Variants in PIK3C2G observed in about 807,000 individuals in gnomAD.
PIK3C2G encodes phosphatidylinositol-4-phosphate 3-kinase catalytic subunit type 2 gamma.
PIK3C2G carries 168 observed loss-of-function variants against 181.1 expected under a neutral mutation model. The ratio of observed to expected loss-of-function variants is 0.93; its 90% CI spans 0.82 to 1.05. The LOEUF is 1.05. PIK3C2G is among the 50% of genes least tolerant of loss of function. The pLI is 0.00. For synonymous variants in PIK3C2G, 573 were observed against 592.2 expected (o/e 0.97, Z 0.47); for missense variants, 1,869 against 1,732.8 (o/e 1.08, Z -1.40).
At chr12:18,557,318 CACAA>C (rs1182315394) in intron 26 of PIK3C2G, among the ~76,000 whole-genome samples, 1 of 151,862 alleles carries the variant, frequency 6.6e-6, no homozygotes, top group Admixed American at 6.6e-5. Flanking sequence ...CACACACACA[CACAA>C]ACAAATCAAA....
In PIK3C2G at chr12:18,287,848, G is replaced by A. The variant is rs186822030; in HGVS notation, c.761+919G>A. Among the ~76,000 whole-genome samples the A allele has an allele frequency of 1.3e-3, 193 of 149,036 alleles. 1 individual carries two copies. The highest frequency in any genetic ancestry group is 3.4e-3 in the Middle Eastern group (1 of 290). ...TGCACTCCAGCCTGGGCGACAGAAT[G>A]AGACTCTGTCTCAAAAAAGAAAAAA... On this transcript the variant is annotated intron_variant, in intron 3 of 32. Transcript: ENST00000538779.
At chr12:18,376,968 T>C (rs1182567516) in intron 13 of PIK3C2G, among the ~76,000 whole-genome samples, 4 of 152,232 alleles carry the variant, frequency 2.6e-5, no homozygotes, top group Non-Finnish European at 5.9e-5. Context: ...CTTTTCTTAA[T>C]AAATTATTCA....
At chr12:18,449,027 T>G (rs1057209207) in intron 18 of PIK3C2G, among the ~76,000 whole-genome samples, 1 of 152,060 alleles carries the variant, frequency 6.6e-6, no homozygotes, top group Non-Finnish European at 1.5e-5. Flanking sequence ...CTGGATCATA[T>G]GGTAGTTCTA....
chr12:18,655,835 CA>C, the PIK3C2G span, among the ~76,000 whole-genome samples: 2 of 150,600 alleles, frequency 1.3e-5, no homozygotes, highest in African/African-American at 4.9e-5. Flanking sequence ...AAACTGTCAA[CA>C]TCATAAAAAG....
At chr12:18,723,930 T>G in the PIK3C2G span, among the ~76,000 whole-genome samples, 6 of 152,108 alleles carry the variant, frequency 3.9e-5, no homozygotes, top group Admixed American at 2.0e-4. Flanking sequence ...TCAGACACAT[T>G]CAAGATCAAT....
the PIK3C2G span, among the ~76,000 whole-genome samples, chr12:18,677,729 G>C: frequency 3.3e-5 from 5 of 152,072 alleles, no homozygotes; most frequent in Non-Finnish European, 7.4e-5. Context: ...CCAGTGTTCA[G>C]ATAAGGTTAA....
At chr12:18,561,936 A>T (rs1945365600) in intron 26 of PIK3C2G, among the ~76,000 whole-genome samples, 1 of 152,142 alleles carries the variant, frequency 6.6e-6, no homozygotes. Flanking sequence ...ATTAAAAATT[A>T]AACAATGAAA....
chr12:18,574,548 C>T (rs1394861200), intron 29 of PIK3C2G, among the ~76,000 whole-genome samples: 2 of 152,288 alleles, frequency 1.3e-5, no homozygotes, highest in East Asian at 3.9e-4. Flanking sequence ...CCCCATACCA[C>T]TGCCCCAATT....
intron 16 of PIK3C2G, among the ~76,000 whole-genome samples, chr12:18,410,510 GA>G (rs1184793762): frequency 0.026 from 2,230 of 85,428 alleles, 34 homozygotes; most frequent in Middle Eastern, 0.062. Context: ...ATCTCAGAAA[GA>G]AAAAAAAAAA....
intron 26 of PIK3C2G, among the ~76,000 whole-genome samples, chr12:18,551,330 T>G (rs1223351348): frequency 6.6e-6 from 1 of 151,984 alleles, no homozygotes; most frequent in African/African-American, 2.4e-5. Flanking sequence ...AAAGGGTTAT[T>G]TCAGAAATTT....
chr12:18,303,296 T>A (rs1254444272), intron 5 of PIK3C2G, among the ~76,000 whole-genome samples: 3 of 150,522 alleles, frequency 2.0e-5, no homozygotes, highest in African/African-American at 7.4e-5. Flanking sequence ...TCTTTCTTTC[T>A]TTCTCTTTCC....
intron 11 of PIK3C2G, among the ~76,000 whole-genome samples, chr12:18,352,596 T>C (rs1940322707): frequency 6.6e-6 from 1 of 152,192 alleles, no homozygotes; most frequent in African/African-American, 2.4e-5. Flanking sequence ...GTTTAACAGC[T>C]CAGTGTGACA....
At chr12:18,691,146 A>C in the PIK3C2G span, among the ~76,000 whole-genome samples, 3 of 152,096 alleles carry the variant, frequency 2.0e-5, no homozygotes, top group East Asian at 5.8e-4. Context: ...TAGGAATAGA[A>C]TCAGCAGAAT....
At chr12:18,469,994 T>C (rs1333068286) in intron 18 of PIK3C2G, among the ~76,000 whole-genome samples, 1 of 151,840 alleles carries the variant, frequency 6.6e-6, no homozygotes, top group Non-Finnish European at 1.5e-5. Context: ...TAGAGTCATA[T>C]CTAAAGTTTA....
chr12:18,273,305 G>C (rs972030469), intron 1 of PIK3C2G, among the ~76,000 whole-genome samples: 3 of 152,054 alleles, frequency 2.0e-5, no homozygotes, highest in African/African-American at 7.2e-5. Flanking sequence ...TTATTTCTGA[G>C]GGCTCTGTTC....
chr12:18,344,594 A>T (rs1331846983), intron 10 of PIK3C2G, among the ~76,000 whole-genome samples: 1 of 152,086 alleles, frequency 6.6e-6, no homozygotes, highest in Non-Finnish European at 1.5e-5. Context: ...GGAATGTTGT[A>T]ATGAGGTCTC....
downstream of PIK3C2G, among the ~76,000 whole-genome samples, chr12:18,650,718 A>C (rs796543551): frequency 0.015 from 108 of 7,080 alleles, no homozygotes; most frequent in East Asian, 0.07. Context: ...ATATCTATAT[A>C]TATATATATA....
chr12:18,693,348 G>C, the PIK3C2G span: 2 of 1,590,314 alleles, frequency 1.3e-6, no homozygotes, highest in Non-Finnish European at 1.7e-6. Flanking sequence ...TGGGGGGTTG[G>C]ACAACCAAAT....
At chr12:18,363,891 T>A (rs1406092478) in intron 12 of PIK3C2G, among the ~76,000 whole-genome samples, 4 of 152,178 alleles carry the variant, frequency 2.6e-5, no homozygotes, top group African/African-American at 9.7e-5. Flanking sequence ...TCTGCCTTCT[T>A]ATAGGACCAT....
Sources: allele counts gnomAD v4.1 joint callset (sites outside exome capture counted in the v4.1 genomes callset), GRCh38; gene constraint gnomAD v4.1.1; transcripts MANE v1.5; gene names NCBI Gene and HGNC (gene_info 2026-07-23, HGNC 2026-07-21).